The following ARHGEF26 variants were observed in gnomAD, a reference collection of about 807,000 sequenced individuals.
ARHGEF26 encodes Rho guanine nucleotide exchange factor 26.
In ARHGEF26, 59 loss-of-function variants were observed where a neutral mutation model predicts 89.4. The ratio of observed to expected loss-of-function variants is 0.66; its 90% confidence interval spans 0.54 to 0.82. The LOEUF is 0.82. Among genes scored for constraint, ARHGEF26 ranks in the 40% least tolerant of loss-of-function variants. ARHGEF26 has a pLI of 0.00. For synonymous variants in ARHGEF26, 500 were observed against 428.4 expected, an observed-to-expected ratio of 1.17 and a Z score of -2.06; for missense variants, 1,234 against 1,085.6, an observed-to-expected ratio of 1.14 and a Z score of -1.92.
intron 12 of ARHGEF26, among the ~76,000 whole-genome samples, chr3:154,248,890 G>T (rs559045083): frequency 2.0e-5 from 3 of 151,904 alleles, no homozygotes; most frequent in East Asian, 3.9e-4. Context: ...TTTTTTTCAC[G>T]CTATGGGGCT....
rs114590366 is a variant in ARHGEF26 at position 154,182,331 on chromosome 3, A to G, written c.1488-5354A>G. On this transcript the variant is annotated intron_variant, in intron 6 of 14. Transcript: ENST00000465093. ...ATCTGATGCATGAAGGATGAGTGGGATTCATGAGGGAAAAAGGGGAGCGAG... is the reference window on the plus strand; with the variant it reads ...ATCTGATGCATGAAGGATGAGTGGGGTTCATGAGGGAAAAAGGGGAGCGAG... Among the ~76,000 whole-genome samples the G allele has an allele frequency of 8.0e-3, 1,217 of 152,226 alleles. 16 individuals carry two copies. The highest frequency in any genetic ancestry group is 0.027 in the African/African-American group (1,120 of 41,532).
intron 8 of ARHGEF26, among the ~76,000 whole-genome samples, chr3:154,192,633 A>G (rs1247495890): frequency 2.6e-5 from 4 of 152,182 alleles, no homozygotes; most frequent in African/African-American, 9.7e-5. Context: ...TATCATGTTT[A>G]AAGATAGAAT....
At chr3:154,236,112 T>C (rs1717114533) in intron 11 of ARHGEF26, among the ~76,000 whole-genome samples, 1 of 152,174 alleles carries the variant, frequency 6.6e-6, no homozygotes, top group South Asian at 2.1e-4. Context: ...ATGTTGCGTA[T>C]AGTAGAACCA....
chr3:154,163,591 C>T (rs1433200086), intron 6 of ARHGEF26, among the ~76,000 whole-genome samples: 1 of 152,030 alleles, frequency 6.6e-6, no homozygotes, highest in Non-Finnish European at 1.5e-5. Context: ...TGTACATCAC[C>T]CATGGAGCTA....
At chr3:154,215,318 A>G (rs1715650176) in intron 9 of ARHGEF26, among the ~76,000 whole-genome samples, 1 of 151,824 alleles carries the variant, frequency 6.6e-6, no homozygotes, top group Non-Finnish European at 1.5e-5. Context: ...ATGACCTCTC[A>G]GGAGAGGGTC....
chr3:154,235,284 G>A (rs1365551826), intron 11 of ARHGEF26, among the ~76,000 whole-genome samples: 1 of 152,058 alleles, frequency 6.6e-6, no homozygotes. Flanking sequence ...AGTTGTTTAA[G>A]GTTATCTACA....
chr3:154,253,419 C>G (rs1277450381), intron 13 of ARHGEF26, among the ~76,000 whole-genome samples: 2 of 152,170 alleles, frequency 1.3e-5, no homozygotes, highest in Non-Finnish European at 1.5e-5. Context: ...CTTAGCATTG[C>G]AGAGCCTATT....
intron 4 of ARHGEF26, among the ~76,000 whole-genome samples, chr3:154,141,033 C>T (rs1439264452): frequency 1.3e-5 from 2 of 151,742 alleles, no homozygotes; most frequent in Admixed American, 6.6e-5. Context: ...ACAATCTCAG[C>T]TCACTGCCAG....
At chr3:154,190,814 C>T (rs1238789547) in intron 7 of ARHGEF26, among the ~76,000 whole-genome samples, 2 of 152,184 alleles carry the variant, frequency 1.3e-5, no homozygotes, top group Non-Finnish European at 2.9e-5. Context: ...TCTTTGTGGC[C>T]TAAAGCCTCT....
intron 11 of ARHGEF26, among the ~76,000 whole-genome samples, chr3:154,230,617 C>T (rs1716774019): frequency 6.6e-6 from 1 of 152,104 alleles, no homozygotes; most frequent in African/African-American, 2.4e-5. Flanking sequence ...TTTTCCTCTG[C>T]CATTAGCTAA....
chr3:154,146,495 C>G (rs548005126), intron 4 of ARHGEF26, among the ~76,000 whole-genome samples: 36 of 152,262 alleles, frequency 2.4e-4, no homozygotes, highest in African/African-American at 8.2e-4. Context: ...TGTTTTGGGT[C>G]TAACTAGACA....
chr3:154,237,727 C>A (rs1025098702), intron 11 of ARHGEF26, among the ~76,000 whole-genome samples: 1 of 152,172 alleles, frequency 6.6e-6, no homozygotes, highest in African/African-American at 2.4e-5. Context: ...ATATTCATTT[C>A]TTTGACTTTT....
chr3:154,186,140 C>CACACACAA (rs1353298354), intron 6 of ARHGEF26, among the ~76,000 whole-genome samples: 1 of 144,364 alleles, frequency 6.9e-6, no homozygotes, highest in Non-Finnish European at 1.5e-5. Flanking sequence ...CACTTAGACA[C>CACACACAA]ACACACACAC....
At chr3:154,202,961 T>C (rs1210719306) in intron 9 of ARHGEF26, among the ~76,000 whole-genome samples, 1 of 152,170 alleles carries the variant, frequency 6.6e-6, no homozygotes, top group Non-Finnish European at 1.5e-5. Flanking sequence ...CAATTTGACT[T>C]CCTGTTTTCC....
intron 6 of ARHGEF26, among the ~76,000 whole-genome samples, chr3:154,161,916 C>T (rs903353932): frequency 1.3e-5 from 2 of 152,148 alleles, no homozygotes; most frequent in Admixed American, 6.6e-5. Flanking sequence ...TTCTCCTGGT[C>T]ACTTTTTGCA....
intron 4 of ARHGEF26, among the ~76,000 whole-genome samples, 171 bp from the exon 5 acceptor site, chr3:154,149,218 A>G (rs977052560): frequency 3.3e-5 from 4 of 120,494 alleles, no homozygotes; most frequent in African/African-American, 9.7e-5. Context: ...CACTATAAAT[A>G]TTTATTAAAT....
At chr3:154,232,408 C>T (rs191703002) in intron 11 of ARHGEF26, among the ~76,000 whole-genome samples, 3 of 152,238 alleles carry the variant, frequency 2.0e-5, no homozygotes, top group Non-Finnish European at 2.9e-5. Context: ...TCAGAATTAG[C>T]TTGAGGAACT....
At chr3:154,165,610 G>T (rs1027988220) in intron 6 of ARHGEF26, among the ~76,000 whole-genome samples, 3 of 152,062 alleles carry the variant, frequency 2.0e-5, no homozygotes, top group Non-Finnish European at 2.9e-5. Context: ...TACCAACTTT[G>T]AATACTAGTT....
chr3:154,244,793 G>C (rs1717697690), intron 12 of ARHGEF26, among the ~76,000 whole-genome samples: 1 of 152,078 alleles, frequency 6.6e-6, no homozygotes, highest in African/African-American at 2.4e-5. Context: ...CAGGAAGTGA[G>C]TTATTGCCAA....
Sources: gnomAD v4.1 joint callset for allele counts (sites outside exome capture counted in the v4.1 genomes callset) on GRCh38, gnomAD v4.1.1 for gene constraint, MANE v1.5 for transcripts, NCBI Gene and HGNC (gene_info 2026-07-23, HGNC 2026-07-21) for gene names.